Variants in PTPRG observed in about 807,000 individuals in gnomAD.
The protein encoded by PTPRG is receptor-type tyrosine-protein phosphatase gamma.
PTPRG carries 102 observed loss-of-function variants against 165.3 expected under a neutral mutation model. The ratio of observed to expected loss-of-function variants is 0.62; its 90% CI spans 0.53 to 0.73. The LOEUF (loss-of-function observed/expected upper bound fraction) is 0.73, where lower values mean the gene tolerates loss of function less well. Among genes scored for constraint, PTPRG ranks in the 30% least tolerant of loss-of-function variants. The pLI is 0.00. For synonymous variants in PTPRG, 675 were observed against 669.5 expected (o/e 1.01, Z -0.13); for missense variants, 1,866 against 1,861.4 (o/e 1.00, Z -0.05).
At chr3:61,672,549 C>T (rs1703045715) in intron 1 of PTPRG, among the ~76,000 whole-genome samples, 2 of 141,632 alleles carry the variant, frequency 1.4e-5, no homozygotes. Context: ...GAAACCCCGT[C>T]TCCACCAAAA....
At chr3:61,826,973 C>T (rs1052554972) in intron 2 of PTPRG, among the ~76,000 whole-genome samples, 1 of 152,016 alleles carries the variant, frequency 6.6e-6, no homozygotes. Context: ...TTACTTATCC[C>T]GCCCTCTTCT....
intron 1 of PTPRG, among the ~76,000 whole-genome samples, chr3:61,642,584 C>T (rs1453996996): frequency 6.6e-6 from 1 of 152,168 alleles, no homozygotes; most frequent in African/African-American, 2.4e-5. Context: ...ACCTGTTCTC[C>T]TTACTGCCCT....
chr3:62,103,207 T>C (rs2063205), intron 5 of PTPRG, among the ~76,000 whole-genome samples: 32,597 of 145,724 alleles, frequency 0.22, 3,974 homozygotes, highest in South Asian at 0.34. Flanking sequence ...ACTGTGATCT[T>C]TCTGTGGCAT....
intron 1 of PTPRG, chr3:61,743,051 G>A (rs751360949): frequency 1.3e-6 from 2 of 1,592,064 alleles, no homozygotes; most frequent in East Asian, 4.5e-5. Context: ...CGCTGGTTCC[G>A]GTGCAGGACT....
At chr3:61,959,707 G>A (rs2040107883) in intron 2 of PTPRG, among the ~76,000 whole-genome samples, 1 of 152,070 alleles carries the variant, frequency 6.6e-6, no homozygotes. Flanking sequence ...TATTAGTTGT[G>A]GTTTTCTTTT....
At chr3:62,097,986 G>C (rs531506368) in intron 5 of PTPRG, among the ~76,000 whole-genome samples, 7 of 152,292 alleles carry the variant, frequency 4.6e-5, no homozygotes, top group Admixed American at 1.3e-4. Flanking sequence ...GCTTTCCCAG[G>C]TTTGAAGAGC....
At chr3:62,179,575 C>T (rs1695066861) in intron 8 of PTPRG, among the ~76,000 whole-genome samples, 1 of 152,230 alleles carries the variant, frequency 6.6e-6, no homozygotes. Flanking sequence ...TTTCACCCAC[C>T]AGCTGCTCTT....
intron 2 of PTPRG, among the ~76,000 whole-genome samples, chr3:61,786,160 T>A (rs2034694179): frequency 6.6e-6 from 1 of 152,188 alleles, no homozygotes; most frequent in Admixed American, 6.5e-5. Context: ...CCCATAATCT[T>A]TGGAGGGTAG....
intron 2 of PTPRG, among the ~76,000 whole-genome samples, chr3:61,842,943 C>T (rs1040552124): frequency 1.2e-4 from 19 of 152,228 alleles, no homozygotes; most frequent in African/African-American, 3.6e-4. Context: ...CTATTACGGC[C>T]ACCATCATTA....
chr3:61,850,158 ATTTATTTTTATTT>A (rs1484027958), intron 2 of PTPRG, among the ~76,000 whole-genome samples: 1 of 151,712 alleles, frequency 6.6e-6, no homozygotes, highest in Non-Finnish European at 1.5e-5. Context: ...TCTTTTATTT[ATTTATTTTTATTT>A]TTTATTTTTG....
rs138067565 is a variant in PTPRG, at chr3:61,587,735, C to A, written c.85+25363C>A. On this transcript the variant is annotated intron_variant, in intron 1 of 29. Transcript: ENST00000474889. The stretch of plus-strand genomic sequence containing the variant: ...CCAGTGGCACAATCATAGCTCACTG[C>A]AGCCTCAACCACCTGGGCTCAAGCA... 6.1e-3 allele frequency among the ~76,000 whole-genome samples: 927 copies of A among 152,280 alleles called. 3 individuals are homozygous for A. Among genetic ancestry groups the A allele is most frequent in the Non-Finnish European group, 9.8e-3 (666 of 68,028 alleles).
intron 2 of PTPRG, among the ~76,000 whole-genome samples, chr3:61,952,445 A>G (rs1435497033): frequency 1.3e-5 from 2 of 152,178 alleles, no homozygotes; most frequent in African/African-American, 4.8e-5. Flanking sequence ...CTAAGGATCT[A>G]TCTGCAGGCC....
chr3:61,925,757 ATC>A (rs1258254439), intron 2 of PTPRG: 44 of 372,984 alleles, frequency 1.2e-4, no homozygotes, highest in Admixed American at 4.0e-4. Flanking sequence ...AAAAAAAAAA[ATC>A]ATCATTGGTC....
chr3:62,092,495 T>C (rs1017698004), intron 5 of PTPRG, among the ~76,000 whole-genome samples: 3 of 146,868 alleles, frequency 2.0e-5, no homozygotes, highest in Non-Finnish European at 4.5e-5. Context: ...TTGGGGTTAA[T>C]ATCCTCAATG....
At chr3:61,634,976 C>T (rs1701867913) in intron 1 of PTPRG, among the ~76,000 whole-genome samples, 1 of 152,082 alleles carries the variant, frequency 6.6e-6, no homozygotes, top group Admixed American at 6.5e-5. Flanking sequence ...CATTCGTTTG[C>T]CCTGCAAATA....
intron 8 of PTPRG, among the ~76,000 whole-genome samples, chr3:62,187,595 G>A (rs1048431365): frequency 5.3e-5 from 8 of 152,212 alleles, no homozygotes; most frequent in African/African-American, 1.9e-4. Context: ...AATCAGTAGT[G>A]GTTACGAGAG....
intron 15 of PTPRG, among the ~76,000 whole-genome samples, chr3:62,250,527 CTTTT>C (rs1559706629): frequency 6.6e-6 from 1 of 152,126 alleles, no homozygotes; most frequent in South Asian, 2.1e-4. Flanking sequence ...AGCTGTTTCT[CTTTT>C]TATTTATCTG....
At chr3:62,093,174 G>C (rs1198469834) in intron 5 of PTPRG, among the ~76,000 whole-genome samples, 2 of 152,178 alleles carry the variant, frequency 1.3e-5, no homozygotes, top group Non-Finnish European at 2.9e-5. Context: ...AACTAGCAGA[G>C]CTTATCAGAG....
chr3:62,101,232 T>C (rs1702280105), intron 5 of PTPRG, among the ~76,000 whole-genome samples: 1 of 152,192 alleles, frequency 6.6e-6, no homozygotes, highest in Admixed American at 6.5e-5. Flanking sequence ...AAGCAGCCAC[T>C]TAACTAGTAT....
Sources: allele counts gnomAD v4.1 joint callset (sites outside exome capture counted in the v4.1 genomes callset), GRCh38; gene constraint gnomAD v4.1.1; transcripts MANE v1.5; gene names NCBI Gene and HGNC (gene_info 2026-07-23, HGNC 2026-07-21).